The following RERE variants were observed in gnomAD, a reference collection of about 807,000 sequenced individuals.
RERE encodes arginine-glutamic acid dipeptide repeats protein.
Under a neutral mutation model 146.1 loss-of-function variants are expected in RERE, and 40 were observed. The ratio of observed to expected loss-of-function variants is 0.27; its 90% confidence interval spans 0.21 to 0.36. The LOEUF is 0.36. Ranked by LOEUF, RERE falls within the 10% of genes least tolerant of loss-of-function variation. The pLI, the probability that RERE is intolerant of heterozygous loss-of-function variation, is 1.00. For synonymous variants in RERE, 1,003 were observed against 866.0 expected, an observed-to-expected ratio of 1.16 and a Z score of -2.78; for missense variants, 1,933 against 2,138.7, an observed-to-expected ratio of 0.90 and a Z score of 1.90.
intron 8 of RERE, among the ~76,000 whole-genome samples, chr1:8,497,888 T>C (rs1428566531): frequency 1.3e-5 from 2 of 152,200 alleles, no homozygotes; most frequent in African/African-American, 2.4e-5. Context: ...GAAACACACA[T>C]ACATTTCCAA....
intron 1 of RERE, chr1:8,786,463 T>C (rs1272661585): frequency 1.1e-6 from 1 of 889,178 alleles, no homozygotes; most frequent in Non-Finnish European, 1.9e-6. Context: ...CATCTTGCCA[T>C]AACCACGCTT....
chr1:8,694,214 T>G (rs1354707601), intron 1 of RERE, among the ~76,000 whole-genome samples: 1 of 152,162 alleles, frequency 6.6e-6, no homozygotes, highest in Non-Finnish European at 1.5e-5. Flanking sequence ...AATATGATTC[T>G]ATACCTAGAA....
chr1:8,541,635 T>A (rs949705810), intron 6 of RERE, among the ~76,000 whole-genome samples: 1 of 152,138 alleles, frequency 6.6e-6, no homozygotes, highest in Non-Finnish European at 1.5e-5. Context: ...CCATTGTGAA[T>A]ATAAGAAAAA....
intron 1 of RERE, among the ~76,000 whole-genome samples, chr1:8,738,595 G>C (rs2124498818): frequency 6.6e-6 from 1 of 152,068 alleles, no homozygotes; most frequent in Admixed American, 6.5e-5. Context: ...CTCTATCCCT[G>C]ACACCCACCA....
At chr1:8,403,803 ATTTTTCTT>A (rs1231167081) in intron 12 of RERE, among the ~76,000 whole-genome samples, 5 of 62,460 alleles carry the variant, frequency 8.0e-5, no homozygotes, top group Admixed American at 3.3e-4. Flanking sequence ...TTCTTTTTCT[ATTTTTCTT>A]AATAAAATCT....
intron 1 of RERE, among the ~76,000 whole-genome samples, chr1:8,737,049 C>A (rs938328510): frequency 1.3e-5 from 2 of 152,160 alleles, no homozygotes; most frequent in East Asian, 3.8e-4. Context: ...CAGAAGCAGA[C>A]CTTTCAGGAG....
chr1:8,665,963 T>C (rs568369546), intron 1 of RERE, among the ~76,000 whole-genome samples: 11 of 152,310 alleles, frequency 7.2e-5, no homozygotes, highest in Admixed American at 2.0e-4. Flanking sequence ...AATGCAAAAG[T>C]AAGCACTGAG....
rs547262035 is a variant in RERE at position 8,665,102 on chromosome 1, C to T, written c.-144-8661G>A. 9.7e-4 allele frequency among the ~76,000 whole-genome samples: 148 copies of T among 152,332 alleles called. 1 individual carries two copies. The highest frequency in any genetic ancestry group is 3.5e-3 in the African/African-American group (145 of 41,574). On this transcript the variant is annotated intron_variant, in intron 1 of 22. Transcript: ENST00000400908. ...CCAGAACACACCACACTCCTTCCTA[C>T]CCAGAGTCCTTTGCTAAGGTTCTTC...
chr1:8,689,993 A>G (rs758909288), intron 1 of RERE, among the ~76,000 whole-genome samples: 2 of 152,202 alleles, frequency 1.3e-5, no homozygotes, highest in African/African-American at 2.4e-5. Flanking sequence ...CAAGAGAAGT[A>G]TAATCCTCAT....
chr1:8,437,478 A>G (rs957407007), intron 11 of RERE, among the ~76,000 whole-genome samples: 3 of 151,850 alleles, frequency 2.0e-5, no homozygotes, highest in African/African-American at 7.3e-5. Context: ...CGCCTACCCC[A>G]TGCAGGATGG....
At chr1:8,789,486 A>G (rs1365653107) in intron 1 of RERE, among the ~76,000 whole-genome samples, 1 of 151,456 alleles carries the variant, frequency 6.6e-6, no homozygotes, top group Non-Finnish European at 1.5e-5. Context: ...ACAGATGCAC[A>G]CATAACTCTT....
chr1:8,556,638 A>T, intron 5 of RERE, 67 bp from the exon 6 acceptor site: 1 of 1,036,620 alleles, frequency 9.6e-7, no homozygotes, highest in South Asian at 1.3e-5. Flanking sequence ...AAAATTTGTA[A>T]AACTTTTCTT....
At chr1:8,414,427 A>C (rs1643704250) in intron 12 of RERE, among the ~76,000 whole-genome samples, 1 of 152,026 alleles carries the variant, frequency 6.6e-6, no homozygotes, top group Non-Finnish European at 1.5e-5. Context: ...ATGGTGGCGC[A>C]TGCCTGTAGT....
rs1801787 is a variant in RERE at position 8,361,470 on chromosome 1, C to T, written c.2037G>A (p.Ser679=). The T allele has an allele frequency of 8.7e-6, 14 of 1,612,074 alleles. No individual in the cohort carries two copies. The highest frequency in any genetic ancestry group is 5.0e-5 in the Admixed American group (3 of 60,002). The part of the protein sequence containing the change: ...TKTQEISRPN[S]PSEGEGESSD... ...AACTCTCTCCCTCACCTTCAGATGG[C>T]GAGTTGGGCCTGCTGATCTCCTGGA... Residue 679 remains serine, a synonymous_variant, in exon 18 of 23, where the codon TCG becomes TCA. Transcript: ENST00000400908.
At chr1:8,504,679 C>T (rs1645227103) in intron 8 of RERE, among the ~76,000 whole-genome samples, 1 of 152,088 alleles carries the variant, frequency 6.6e-6, no homozygotes, top group African/African-American at 2.4e-5. Context: ...TAGTGAAACC[C>T]CGTCTCTACT....
intron 12 of RERE, among the ~76,000 whole-genome samples, chr1:8,409,971 ATTTTTTTTTTTTTT>A (rs57424627): frequency 2.1e-5 from 2 of 95,380 alleles, no homozygotes; most frequent in Non-Finnish European, 4.0e-5. Flanking sequence ...CAATCAGGCA[ATTTTTTTTTTTTTT>A]TTTTTTTTTT....
chr1:8,381,831 T>C (rs1239090507), intron 12 of RERE, among the ~76,000 whole-genome samples: 3 of 152,232 alleles, frequency 2.0e-5, no homozygotes, highest in Admixed American at 2.0e-4. Flanking sequence ...TTTTTTGTTT[T>C]ACAAATCTAT....
chr1:8,501,401 G>A (rs1309801195), intron 8 of RERE, among the ~76,000 whole-genome samples: 2 of 74,474 alleles, frequency 2.7e-5, no homozygotes, highest in Non-Finnish European at 5.2e-5. Context: ...CCCCCCGCCC[G>A]GCCAGCCGCC....
At chr1:8,417,965 C>CT (rs890859947) in intron 12 of RERE, among the ~76,000 whole-genome samples, 2 of 152,308 alleles carry the variant, frequency 1.3e-5, no homozygotes, top group South Asian at 2.1e-4. Context: ...ATCCTTCCTT[C>CT]AAAGCCCAGT....
Sources: gnomAD v4.1 joint callset for allele counts (sites outside exome capture counted in the v4.1 genomes callset) on GRCh38, gnomAD v4.1.1 for gene constraint, MANE v1.5 for transcripts, NCBI Gene and HGNC (gene_info 2026-07-23, HGNC 2026-07-21) for gene names.